Variants in DNAJC5B observed in about 807,000 individuals in gnomAD.
The protein encoded by DNAJC5B is DnaJ heat shock protein family (Hsp40) member C5 beta.
Under a neutral mutation model 24.7 loss-of-function variants are expected in DNAJC5B, and 23 were observed. That is an observed-to-expected ratio of 0.93 (90% CI 0.67 to 1.32). The LOEUF is 1.32. DNAJC5B is among the 40% of genes most tolerant of loss of function. The pLI is 0.00. For missense variants in DNAJC5B, 238 were observed against 240.8 expected (o/e 0.99, Z 0.08); for synonymous variants, 101 against 90.1 (o/e 1.12, Z -0.68).
chr8:66,067,927 C>T (rs574772537), intron 3 of DNAJC5B, among the ~76,000 whole-genome samples: 22 of 152,278 alleles, frequency 1.4e-4, no homozygotes, highest in African/African-American at 5.1e-4. Context: ...AAACTTTAAA[C>T]TTTATGTAGC....
At chr8:66,061,350 A>T (rs1807076608) in intron 3 of DNAJC5B, among the ~76,000 whole-genome samples, 1 of 152,192 alleles carries the variant, frequency 6.6e-6, no homozygotes, top group Non-Finnish European at 1.5e-5. Context: ...TCTCAGCCTC[A>T]TTCTCTTCAT....
upstream of DNAJC5B, among the ~76,000 whole-genome samples, chr8:66,020,592 CTCTGTGTGTGTGTGTG>C (rs1190234063): frequency 1.5e-5 from 2 of 136,092 alleles, no homozygotes; most frequent in Non-Finnish European, 3.1e-5. Context: ...GTAATCAATA[CTCTGTGTGTGTGTGTG>C]TGTGTGTGTG....
chr8:66,035,781 C>T (rs749689253), intron 1 of DNAJC5B, among the ~76,000 whole-genome samples: 4 of 152,208 alleles, frequency 2.6e-5, no homozygotes, highest in Admixed American at 6.5e-5. Context: ...ACAACCCTGT[C>T]ACAGCCTCAT....
intron 5 of DNAJC5B, among the ~76,000 whole-genome samples, chr8:66,091,826 C>G (rs892242496): frequency 6.6e-6 from 1 of 151,716 alleles, no homozygotes; most frequent in Admixed American, 6.6e-5. Flanking sequence ...ATTATTCAGC[C>G]GTAAAAAGGA....
At chr8:66,074,065 C>T (rs1020166760) in intron 3 of DNAJC5B, among the ~76,000 whole-genome samples, 1 of 152,134 alleles carries the variant, frequency 6.6e-6, no homozygotes, top group African/African-American at 2.4e-5. Context: ...CTAGAATATG[C>T]ATTTTTAAAA....
intron 1 of DNAJC5B, among the ~76,000 whole-genome samples, chr8:66,033,120 A>T (rs1347100567): frequency 6.6e-6 from 1 of 152,198 alleles, no homozygotes; most frequent in Non-Finnish European, 1.5e-5. Context: ...TATCCCACAG[A>T]CATCAGTTCT....
At chr8:66,097,660 A>G (rs10081623) in intron 5 of DNAJC5B, among the ~76,000 whole-genome samples, 29,942 of 151,900 alleles carry the variant, frequency 0.2, 5,571 homozygotes, top group African/African-American at 0.49. Context: ...GACTGAAAAT[A>G]TCTTTATCAT....
chr8:66,050,152 T>C (rs533900253), intron 2 of DNAJC5B, among the ~76,000 whole-genome samples: 10 of 152,230 alleles, frequency 6.6e-5, no homozygotes, highest in Admixed American at 2.6e-4. Context: ...AAAGGCAGAG[T>C]AGGTGCAGTG....
intron 1 of DNAJC5B, among the ~76,000 whole-genome samples, chr8:66,031,290 T>C (rs1024506459): frequency 8.5e-5 from 13 of 152,208 alleles, no homozygotes; most frequent in African/African-American, 3.1e-4. Flanking sequence ...TTTTAGAAGA[T>C]GAAATATACC....
chr8:66,095,658 G>GACACACAC (rs10566337), intron 5 of DNAJC5B, among the ~76,000 whole-genome samples: 1,474 of 146,730 alleles, frequency 0.01, 25 homozygotes, highest in East Asian at 0.016. Flanking sequence ...ACTTTAGCTT[G>GACACACAC]ACACACACAC....
At chr8:66,024,423 ATGT>A (rs1398920036) in intron 1 of DNAJC5B, among the ~76,000 whole-genome samples, 4 of 117,840 alleles carry the variant, frequency 3.4e-5, no homozygotes, top group African/African-American at 1.5e-4. Flanking sequence ...TTTTTTTTTA[ATGT>A]TTTTTTTTTA....
intron 4 of DNAJC5B, among the ~76,000 whole-genome samples, chr8:66,079,310 C>T (rs992768726): frequency 2.0e-5 from 3 of 152,180 alleles, no homozygotes; most frequent in Non-Finnish European, 2.9e-5. Flanking sequence ...AGATGACTAG[C>T]TGACAGTGCC....
At chr8:66,028,245 C>T (rs1417242335) in intron 1 of DNAJC5B, among the ~76,000 whole-genome samples, 2 of 152,150 alleles carry the variant, frequency 1.3e-5, no homozygotes, top group Non-Finnish European at 2.9e-5. Flanking sequence ...CCGGCACAAC[C>T]GCTCTTCTCT....
At chr8:66,035,944 G>T (rs1332060434) in intron 1 of DNAJC5B, among the ~76,000 whole-genome samples, 1 of 152,150 alleles carries the variant, frequency 6.6e-6, no homozygotes, top group African/African-American at 2.4e-5. Flanking sequence ...TTCCCATTAG[G>T]TGCCAAGTAT....
rs1806786235 is a variant in DNAJC5B at position 66,048,964 on chromosome 8, T to C, written c.-17-2567T>C. Among the ~76,000 whole-genome samples, 6 of 152,322 alleles carry C rather than the reference T, an allele frequency of 3.9e-5. 1 individual carries two copies. In the South Asian group the frequency reaches 1.2e-3, roughly 32 times the overall value. ...TTCCCAAGCAGAATCCTGTCCTCTATGAGATCCCTCGTCTGTTTGATCTCT... is the reference window on the plus strand; with the variant it reads ...TTCCCAAGCAGAATCCTGTCCTCTACGAGATCCCTCGTCTGTTTGATCTCT... On this transcript the variant is annotated intron_variant, in intron 2 of 5. Coordinates refer to ENST00000276570, the MANE Select transcript of DNAJC5B (RefSeq NM_033105.6).
At chr8:66,017,408 G>A (rs1335879690), upstream of DNAJC5B, among the ~76,000 whole-genome samples, 2 of 152,154 alleles carry the variant, frequency 1.3e-5, no homozygotes. Context: ...TGTACATGAG[G>A]TGGGTCCCAT....
At chr8:66,037,862 T>G (rs1806522680) in intron 1 of DNAJC5B, among the ~76,000 whole-genome samples, 1 of 152,166 alleles carries the variant, frequency 6.6e-6, no homozygotes, top group African/African-American at 2.4e-5. Context: ...AAAGAGAGTA[T>G]GAGGGCATGG....
intron 4 of DNAJC5B, 103 bp downstream of exon 4, chr8:66,076,976 C>A: frequency 1.6e-6 from 2 of 1,225,304 alleles, no homozygotes; most frequent in Non-Finnish European, 2.3e-6. Flanking sequence ...TGCTATTAAA[C>A]TCTGGTAAAT....
Position 66,078,139 on chromosome 8 carries a change from T to C in DNAJC5B, c.333+1266T>C, listed in dbSNP as rs547849433. Reference sequence around the variant, plus strand: ...ACCTGATGGCACCTCAGGGCCTGCCTGCATAAAAATGAGAATAAACTTCCT... The same window carrying C: ...ACCTGATGGCACCTCAGGGCCTGCCCGCATAAAAATGAGAATAAACTTCCT... On this transcript the variant is annotated intron_variant, in intron 4 of 5. Transcript: ENST00000276570. Among the ~76,000 whole-genome samples, 26 of 152,308 alleles carry C rather than the reference T, an allele frequency of 1.7e-4. 1 individual carries two copies. Among genetic ancestry groups the C allele is most frequent in the African/African-American group, 6.0e-4 (25 of 41,586 alleles).
Sources: gnomAD v4.1 joint callset for allele counts (sites outside exome capture counted in the v4.1 genomes callset) on GRCh38, gnomAD v4.1.1 for gene constraint, MANE v1.5 for transcripts, NCBI Gene and HGNC (gene_info 2026-07-23, HGNC 2026-07-21) for gene names.